SUPT4H1: variants seen among roughly 807,000 people sequenced by gnomAD.
SUPT4H1 encodes the protein transcription elongation factor SPT4.
A neutral mutation model predicts 19.4 loss-of-function variants in SUPT4H1; 12 were observed. The observed-to-expected ratio is 0.62, with a 90% confidence interval of 0.40 to 1.00. SUPT4H1 has a LOEUF of 1.00. SUPT4H1 is among the 50% of genes least tolerant of loss of function. The pLI is 0.00. For synonymous variants in SUPT4H1, 58 were observed against 56.3 expected, an observed-to-expected ratio of 1.03 and a Z score of -0.14; for missense variants, 115 against 149.2, an observed-to-expected ratio of 0.77 and a Z score of 1.19.
intron 1 of SUPT4H1, chr17:58,351,748 A>C (rs561822705): frequency 1.3e-4 from 72 of 575,296 alleles, no homozygotes; most frequent in Admixed American, 1.9e-4. Context: ...ACTCAGGGTC[A>C]GGCATCCTTT....
At chr17:58,347,461 T>A in intron 3 of SUPT4H1, 68 bp downstream of exon 3, 1 of 1,577,780 alleles carries the variant, frequency 6.3e-7, no homozygotes, top group South Asian at 1.1e-5. Flanking sequence ...GATTTGAGAC[T>A]CCCTAATGGA....
intron 3 of SUPT4H1, 48 bp downstream of exon 3, chr17:58,347,481 C>G (rs528400230): frequency 6.2e-7 from 1 of 1,606,416 alleles, no homozygotes; most frequent in Non-Finnish European, 8.5e-7. Context: ...ACCTGAGGAA[C>G]AGTAACAACA....
At chr17:58,351,532 G>C (rs751225358) in intron 1 of SUPT4H1, 24 bp from the exon 2 acceptor site, 55 of 1,502,686 alleles carry the variant, frequency 3.7e-5, no homozygotes, top group Admixed American at 3.4e-4. Context: ...AAAAATAAAG[G>C]AAAAGGAGAG....
rs1481292046 is a variant in SUPT4H1 at position 58,345,631 on chromosome 17, A to G, written c.*615T>C. 1 of 152,448 alleles carries G rather than the reference A, an allele frequency of 6.6e-6. No individual in the cohort carries two copies. The highest frequency in any genetic ancestry group is 2.4e-5 in the African/African-American group (1 of 41,394). 9.4% of individuals were successfully genotyped at this position (152,448 alleles called of 1,614,324 possible). ...TAAACATGGTCAAGGAGCACTCTAC[A>G]AAGCCTCAGGATTTCTTCAAGGGAT... On this transcript the variant is annotated 3_prime_UTR_variant, in exon 5 of 5. Coordinates refer to ENST00000225504, the MANE Select transcript of SUPT4H1 (RefSeq NM_003168.3).
In SUPT4H1 at chr17:58,351,397, C is replaced by G; in HGVS notation, c.176+5G>C. The G allele has an allele frequency of 3.1e-6, 5 of 1,602,530 alleles. No homozygotes were observed. In the South Asian group the frequency reaches 5.5e-5, roughly 18 times the overall value. ...AAGTGAATGATGGAAACTGAAGCGG[C>G]TTACCCATCAAAGGAAGAGCTAGTG... On this transcript the variant is annotated splice_donor_5th_base_variant and intron_variant, in intron 2 of 4. Coordinates refer to ENST00000225504, the MANE Select transcript of SUPT4H1 (RefSeq NM_003168.3).
intron 1 of SUPT4H1, 43 bp downstream of exon 1, chr17:58,352,024 C>T: frequency 6.2e-7 from 1 of 1,608,986 alleles, no homozygotes; most frequent in African/African-American, 1.3e-5. Flanking sequence ...TTTCCCCGAC[C>T]TTGGTCCCCC....
Position 58,346,170 on chromosome 17 carries a change from G to A in SUPT4H1, c.*76C>T, listed in dbSNP as rs1225841063. ...GAGGGTAGGAAGTATTTGAAGTTCTGTTCATTTAGTTCCAGAACAAGAAAT... is the reference window on the plus strand; with the variant it reads ...GAGGGTAGGAAGTATTTGAAGTTCTATTCATTTAGTTCCAGAACAAGAAAT... On this transcript the variant is annotated 3_prime_UTR_variant, in exon 5 of 5. Transcript: ENST00000225504. 8.2e-7 allele frequency: 1 copy of A among 1,223,634 alleles called. No homozygotes were observed. Among genetic ancestry groups the A allele is most frequent in the African/African-American group, 1.5e-5 (1 of 67,184 alleles). The allele number at this position is 1,223,634 out of a possible 1,614,324, so 75.8% of individuals were successfully genotyped here. A position where few individuals can be genotyped will look rare whatever the true frequency, so the allele number is the denominator to read the frequency against.
At position 58,347,546 on chromosome 17, in the gene SUPT4H1, G is replaced by C. The variant is rs1208758969; in HGVS notation, c.215C>G (p.Ser72Cys). ...ACACTTACTGACTCGCTGCCACTTG[G>C]AGACCCAGCTGTCCTCTGGACTCAT... Reference protein sequence around the residue: ...AMMSPEDSWVSKWQRVSNFKP... With the variant: ...AMMSPEDSWVCKWQRVSNFKP... The change falls in exon 3 of 5, where the codon TCC becomes TGC. Residue 72 changes from serine (S) to cysteine (C), a missense_variant. Coordinates refer to ENST00000225504, the MANE Select transcript of SUPT4H1 (RefSeq NM_003168.3). The C allele has an allele frequency of 6.2e-7, 1 of 1,614,052 alleles. No individual in the cohort carries two copies. Among genetic ancestry groups the C allele is most frequent in the Non-Finnish European group, 8.5e-7 (1 of 1,180,038 alleles).
Position 58,352,095 on chromosome 17 carries a change from C to A in SUPT4H1, c.41G>T (p.Arg14Leu). ...ETVPKDLRHLRACLLCSLVKT... is the reference protein window; with the variant it reads ...ETVPKDLRHLLACLLCSLVKT... ...GACCAGCGAACACAGCAAACAGGCC[C>A]GCAGATGCCGCAGGTCCTTCGGCAC... The change falls in exon 1 of 5, where the codon CGG becomes CTG. Residue 14 changes from arginine to leucine, a missense_variant. Transcript: ENST00000225504. 6.2e-7 allele frequency: 1 copy of A among 1,614,190 alleles called. No homozygotes were observed.
Position 58,352,192 on chromosome 17 carries a change from G to A in SUPT4H1, c.-57C>T, listed in dbSNP as rs1972556596. ...GACGACCACAGCCTGTGCACCCGCA[G>A]GAAGTAAATAGCTCGTTACCCAGAA... On this transcript the variant is annotated 5_prime_UTR_variant, in exon 1 of 5. Coordinates refer to ENST00000225504, the MANE Select transcript of SUPT4H1 (RefSeq NM_003168.3). The A allele has an allele frequency of 6.5e-7, 1 of 1,549,438 alleles. No homozygotes were observed. Among genetic ancestry groups the A allele is most frequent in the Non-Finnish European group, 8.9e-7 (1 of 1,123,098 alleles).
In SUPT4H1 at chr17:58,352,149, A is replaced by G. The variant is rs745618582; in HGVS notation, c.-14T>C. ...CTCCAGGGCCATCTTCGCCGATGGG[A>G]AGAACAACAGGGAGATAGACGACCA... On this transcript the variant is annotated 5_prime_UTR_variant, in exon 1 of 5. Transcript: ENST00000225504. 1.2e-6 allele frequency: 2 copies of G among 1,613,972 alleles called. No individual in the cohort carries two copies. Among genetic ancestry groups the G allele is most frequent in the Admixed American group, 1.7e-5 (1 of 60,022 alleles).
At chr17:58,351,664 A>T in intron 1 of SUPT4H1, 156 bp from the exon 2 acceptor site, 2 of 601,862 alleles carry the variant, frequency 3.3e-6, no homozygotes, top group Non-Finnish European at 5.9e-6. Flanking sequence ...TCAAAGCTTC[A>T]TTCCTAAGTC....
intron 4 of SUPT4H1, 122 bp downstream of exon 4, chr17:58,347,066 T>C (rs1972318333): frequency 2.1e-6 from 2 of 969,664 alleles, no homozygotes; most frequent in South Asian, 2.9e-5. Context: ...TCTCTGTGCC[T>C]GGTTCCCCCC....
Position 58,345,933 on chromosome 17 carries a change from G to C in SUPT4H1, c.*313C>G, listed in dbSNP as rs534612134. ...GTGTCATGGCCTTCAGAACTTTCTC[G>C]AGGTTCATATTTATTGACATTTGAC... On this transcript the variant is annotated 3_prime_UTR_variant, in exon 5 of 5. Transcript: ENST00000225504. 7.6e-6 allele frequency: 2 copies of C among 263,168 alleles called. No individual in the cohort carries two copies. The highest frequency in any genetic ancestry group is 7.4e-6 in the Non-Finnish European group (1 of 134,688). The allele number at this position is 263,168 out of a possible 1,614,324, so 16.3% of individuals were successfully genotyped here.
intron 4 of SUPT4H1, 75 bp from the exon 5 acceptor site, chr17:58,346,388 A>AC (rs919231484): frequency 1.1e-4 from 143 of 1,266,698 alleles, no homozygotes; most frequent in Non-Finnish European, 1.6e-4. Flanking sequence ...TGCCACCTTG[A>AC]GGGGGGTACT....
At chr17:58,347,286 A>T in intron 3 of SUPT4H1, 45 bp from the exon 4 acceptor site, 2 of 1,600,404 alleles carry the variant, frequency 1.2e-6, no homozygotes, top group Non-Finnish European at 1.7e-6. Flanking sequence ...GAAGTTAGTT[A>T]AGACTCAAGA....
At chr17:58,351,869 G>A (rs1192660578) in intron 1 of SUPT4H1, 198 bp downstream of exon 1, 6 of 611,758 alleles carry the variant, frequency 9.8e-6, no homozygotes, top group Non-Finnish European at 1.7e-5. Flanking sequence ...AGGCATGTAA[G>A]ACCGCCCCTG....
At chr17:58,347,634 A>AG in intron 2 of SUPT4H1, 50 bp from the exon 3 acceptor site, 1 of 1,579,456 alleles carries the variant, frequency 6.3e-7, no homozygotes, top group Non-Finnish European at 8.7e-7. Context: ...CCTGGGCCTG[A>AG]GCTCAATTCT....
chr17:58,348,564 G>A (rs1376359744), intron 2 of SUPT4H1, among the ~76,000 whole-genome samples: 1 of 152,146 alleles, frequency 6.6e-6, no homozygotes, highest in African/African-American at 2.4e-5. Flanking sequence ...ATTCTTCTCT[G>A]TCCTTTGCAA....
Sources: gnomAD v4.1 joint callset for allele counts (sites outside exome capture counted in the v4.1 genomes callset) on GRCh38, gnomAD v4.1.1 for gene constraint, MANE v1.5 for transcripts, NCBI Gene and HGNC (gene_info 2026-07-23, HGNC 2026-07-21) for gene names.